EPB41L4A: variants seen among roughly 807,000 people sequenced by gnomAD.
EPB41L4A encodes the protein erythrocyte membrane protein band 4.1 like 4A.
Under a neutral mutation model 108.6 loss-of-function variants are expected in EPB41L4A, and 100 were observed. The observed-to-expected ratio is 0.92, with a 90% CI of 0.78 to 1.09. The LOEUF is 1.09. Ranked by LOEUF, EPB41L4A falls within the 50% of genes least tolerant of loss-of-function variation. The pLI, the probability that EPB41L4A is intolerant of heterozygous loss-of-function variation, is 0.00. For synonymous variants in EPB41L4A, 319 were observed against 289.0 expected (o/e 1.10, Z -1.05); for missense variants, 1,030 against 842.7 (o/e 1.22, Z -2.75).
chr5:112,194,549 T>G lies in EPB41L4A; in HGVS notation c.1502+19A>C. The G allele has an allele frequency of 7.1e-7, 1 of 1,410,474 alleles. No individual in the cohort carries two copies. The highest frequency in any genetic ancestry group is 9.8e-7 in the Non-Finnish European group (1 of 1,015,562). The allele number at this position is 1,410,474 out of a possible 1,614,324, so 87.4% of individuals were successfully genotyped here. ...CTCTGATTTCAGAGTGCCAGTTAAT[T>G]ATAATATTGAGATATTACCTGTTTC... On this transcript the variant is annotated intron_variant, in intron 17 of 22. Transcript: ENST00000261486.
chr5:112,343,202 C>A (rs1757430437), intron 1 of EPB41L4A, among the ~76,000 whole-genome samples: 1 of 152,142 alleles, frequency 6.6e-6, no homozygotes, highest in African/African-American at 2.4e-5. Context: ...CCGAAAAACA[C>A]TTGGTCAAAT....
At chr5:112,213,626 T>TCTG (rs1269695399) in intron 12 of EPB41L4A, among the ~76,000 whole-genome samples, 2 of 152,200 alleles carry the variant, frequency 1.3e-5, no homozygotes, top group Non-Finnish European at 2.9e-5. Context: ...GGTGCTGGGA[T>TCTG]AACAGGCATG....
intron 20 of EPB41L4A, among the ~76,000 whole-genome samples, chr5:112,169,822 A>G (rs1760469494): frequency 6.6e-6 from 1 of 152,158 alleles, no homozygotes; most frequent in African/African-American, 2.4e-5. Context: ...TCTCTTAACC[A>G]AGTACTGGTA....
intron 1 of EPB41L4A, among the ~76,000 whole-genome samples, chr5:112,369,681 G>C (rs1312685933): frequency 6.6e-6 from 1 of 152,112 alleles, no homozygotes; most frequent in Non-Finnish European, 1.5e-5. Flanking sequence ...AATTTACCAG[G>C]TTGCCACTAG....
intron 1 of EPB41L4A, among the ~76,000 whole-genome samples, chr5:112,353,030 T>C (rs79082233): frequency 0.011 from 1,655 of 152,344 alleles, 29 homozygotes; most frequent in African/African-American, 0.038. Flanking sequence ...GTATTATACT[T>C]TGGCTTTGAT....
chr5:112,208,793 A>G (rs1276653752), intron 13 of EPB41L4A, among the ~76,000 whole-genome samples: 1 of 152,242 alleles, frequency 6.6e-6, no homozygotes, highest in Non-Finnish European at 1.5e-5. Context: ...AAAGCGTGGG[A>G]TCTGAATCTC....
At chr5:112,234,853 A>G in intron 11 of EPB41L4A, 98 bp from the exon 12 acceptor site, 1 of 1,305,452 alleles carries the variant, frequency 7.7e-7, no homozygotes, top group Non-Finnish European at 1.0e-6. Context: ...TGGAGAGAAG[A>G]AAAAACACAC....
At chr5:112,237,339 T>C (rs910179572) in intron 11 of EPB41L4A, among the ~76,000 whole-genome samples, 3 of 152,130 alleles carry the variant, frequency 2.0e-5, no homozygotes, top group Non-Finnish European at 2.9e-5. Flanking sequence ...AAAGTCCGAT[T>C]TTTCCCTTAA....
Position 112,419,071 on chromosome 5 carries a change from A to G in EPB41L4A, c.-32T>C. On this transcript the variant is annotated 5_prime_UTR_variant, in exon 1 of 23. Coordinates refer to ENST00000261486, the MANE Select transcript of EPB41L4A (RefSeq NM_022140.5). ...TGTGGTCGTCTCCAGCCAGGAGAGA[A>G]AGCTACCACCGAGGCGCCCAGCCGC... The G allele has an allele frequency of 6.4e-7, 1 of 1,561,674 alleles. No homozygotes were observed. Among genetic ancestry groups the G allele is most frequent in the Non-Finnish European group, 8.8e-7 (1 of 1,134,318 alleles).
At chr5:112,397,335 A>G (rs1761423281) in intron 1 of EPB41L4A, among the ~76,000 whole-genome samples, 1 of 152,236 alleles carries the variant, frequency 6.6e-6, no homozygotes, top group Non-Finnish European at 1.5e-5. Context: ...TGATCTAAGA[A>G]CAGAAACAAT....
chr5:112,374,358 A>C (rs1759677841), intron 1 of EPB41L4A, among the ~76,000 whole-genome samples: 1 of 152,234 alleles, frequency 6.6e-6, no homozygotes, highest in African/African-American at 2.4e-5. Context: ...CCAAAGCTGT[A>C]GATCAAAAAG....
intron 1 of EPB41L4A, among the ~76,000 whole-genome samples, chr5:112,377,908 G>C (rs1759919773): frequency 6.6e-6 from 1 of 151,910 alleles, no homozygotes; most frequent in Admixed American, 6.6e-5. Context: ...CCAGTTCTCA[G>C]GGGGAACAAA....
intron 12 of EPB41L4A, among the ~76,000 whole-genome samples, chr5:112,219,449 T>C (rs1045688964): frequency 2.6e-5 from 4 of 152,200 alleles, no homozygotes; most frequent in African/African-American, 9.6e-5. Flanking sequence ...CTCTTTTCTT[T>C]ATAAATTTCC....
chr5:112,181,092 G>GT lies in EPB41L4A; in HGVS notation c.1622+2923dup, dbSNP rs111969844. On this transcript the variant is annotated intron_variant, in intron 18 of 22. Coordinates refer to ENST00000261486, the MANE Select transcript of EPB41L4A (RefSeq NM_022140.5). The stretch of plus-strand genomic sequence containing the variant: ...AACTGGGGCAGAACAAGACCCTCTC[G>GT]TATCTTGTTAGTGGAGTATAAAATG... Among the ~76,000 whole-genome samples, 934 of 152,256 alleles carry GT rather than the reference G, an allele frequency of 6.1e-3. 19 individuals carry two copies. The South Asian group carries it at 0.064, about 10-fold the overall frequency.
intron 2 of EPB41L4A, among the ~76,000 whole-genome samples, chr5:112,299,155 T>C (rs1201200550): frequency 6.6e-6 from 1 of 152,224 alleles, no homozygotes; most frequent in Non-Finnish European, 1.5e-5. Context: ...TTAGTTCTGC[T>C]CTGACCTTGG....
At chr5:112,367,948 T>C (rs141162307) in intron 1 of EPB41L4A, among the ~76,000 whole-genome samples, 1,809 of 152,318 alleles carry the variant, frequency 0.012, 26 homozygotes, top group South Asian at 0.038. Context: ...CGAGCTACTA[T>C]GTTTACCTTA....
chr5:112,414,490 A>C (rs1762589579), intron 1 of EPB41L4A, among the ~76,000 whole-genome samples: 1 of 152,202 alleles, frequency 6.6e-6, no homozygotes, highest in African/African-American at 2.4e-5. Flanking sequence ...GAGAGGAGGC[A>C]GGGAATGCTG....
At chr5:112,222,311 A>T (rs1317941617) in intron 12 of EPB41L4A, among the ~76,000 whole-genome samples, 1 of 152,208 alleles carries the variant, frequency 6.6e-6, no homozygotes, top group Non-Finnish European at 1.5e-5. Flanking sequence ...CCAAGCATGT[A>T]CCATAGTATC....
chr5:112,336,344 G>A (rs1756920996), intron 1 of EPB41L4A, among the ~76,000 whole-genome samples: 1 of 152,160 alleles, frequency 6.6e-6, no homozygotes, highest in Non-Finnish European at 1.5e-5. Flanking sequence ...GTGGAGTAAG[G>A]CGCTTTCCTC....
Sources: allele counts gnomAD v4.1 joint callset (sites outside exome capture counted in the v4.1 genomes callset), GRCh38; gene constraint gnomAD v4.1.1; transcripts MANE v1.5; gene names NCBI Gene and HGNC (gene_info 2026-07-23, HGNC 2026-07-21).